The following TENM2 variants were observed in gnomAD, a reference collection of about 807,000 sequenced individuals.
TENM2 encodes teneurin-2.
In TENM2, 52 loss-of-function variants were observed where a neutral mutation model predicts 245.2. That is an observed-to-expected ratio of 0.21 (90% confidence interval 0.17 to 0.27). TENM2 has a LOEUF of 0.27. Among genes scored for constraint, TENM2 ranks in the 10% least tolerant of loss-of-function variants. TENM2 has a pLI of 1.00. For synonymous variants in TENM2, 1,363 were observed against 1,438.9 expected (o/e 0.95, Z 1.19); for missense variants, 3,046 against 3,666.8 (o/e 0.83, Z 4.37).
intron 5 of TENM2, among the ~76,000 whole-genome samples, chr5:168,001,259 A>G (rs1000582890): frequency 6.6e-6 from 1 of 152,344 alleles, no homozygotes; most frequent in Non-Finnish European, 1.5e-5. Flanking sequence ...TTAGGGGGCC[A>G]TGTAAGCACC....
chr5:168,223,174 G>T (rs965363249), intron 23 of TENM2, among the ~76,000 whole-genome samples: 2 of 152,146 alleles, frequency 1.3e-5, no homozygotes, highest in African/African-American at 4.8e-5. Context: ...TGAGATTCTA[G>T]TCCCTACCCT....
chr5:167,674,849 C>G (rs984518692), intron 2 of TENM2, among the ~76,000 whole-genome samples: 36 of 152,132 alleles, frequency 2.4e-4, no homozygotes, highest in African/African-American at 8.2e-4. Context: ...GTCACATTGT[C>G]AGCATTGAAG....
At chr5:167,169,766 G>A in the TENM2 span, among the ~76,000 whole-genome samples, 2 of 152,012 alleles carry the variant, frequency 1.3e-5, no homozygotes, top group African/African-American at 2.4e-5. Flanking sequence ...CCCTCTTTTG[G>A]CCTTCCTCTT....
chr5:168,017,931 G>C (rs1214190439), intron 5 of TENM2, among the ~76,000 whole-genome samples: 1 of 152,024 alleles, frequency 6.6e-6, no homozygotes. Context: ...GCTTTCTTCT[G>C]TTCCGTCCCC....
At chr5:167,012,762 A>T in the TENM2 span, among the ~76,000 whole-genome samples, 2 of 152,162 alleles carry the variant, frequency 1.3e-5, no homozygotes, top group Admixed American at 1.3e-4. Context: ...TCAGAGAATT[A>T]GGGGGACCTT....
chr5:167,833,015 G>A (rs570703537), intron 2 of TENM2, among the ~76,000 whole-genome samples: 20 of 152,080 alleles, frequency 1.3e-4, no homozygotes, highest in African/African-American at 4.6e-4. Context: ...CTAGAAAGAG[G>A]GTTTAGTACA....
intron 5 of TENM2, among the ~76,000 whole-genome samples, chr5:168,040,721 G>T (rs530253181): frequency 6.6e-6 from 1 of 152,224 alleles, no homozygotes; most frequent in African/African-American, 2.4e-5. Flanking sequence ...GGTAATTTTG[G>T]CACTGACAGC....
chr5:167,705,987 A>ATT (rs1561690650), intron 2 of TENM2, among the ~76,000 whole-genome samples: 3 of 91,564 alleles, frequency 3.3e-5, no homozygotes, highest in Non-Finnish European at 6.3e-5. Flanking sequence ...ATATATATAT[A>ATT]TATATTTATT....
chr5:167,199,040 C>T, the TENM2 span, among the ~76,000 whole-genome samples: 2 of 150,214 alleles, frequency 1.3e-5, no homozygotes, highest in African/African-American at 4.9e-5. Context: ...CTGTCAAAAC[C>T]CTTCCATTCC....
the TENM2 span, among the ~76,000 whole-genome samples, chr5:167,069,803 A>G: frequency 6.6e-6 from 1 of 152,236 alleles, no homozygotes; most frequent in African/African-American, 2.4e-5. Flanking sequence ...ATATTCAAAA[A>G]TAAGCTTGAA....
intron 2 of TENM2, among the ~76,000 whole-genome samples, chr5:167,825,154 T>G (rs955581113): frequency 6.6e-6 from 1 of 152,174 alleles, no homozygotes; most frequent in Non-Finnish European, 1.5e-5. Flanking sequence ...GTGTTCTGCT[T>G]CCTTCGTATA....
At chr5:167,764,587 T>C (rs1321845930) in intron 2 of TENM2, among the ~76,000 whole-genome samples, 3 of 152,214 alleles carry the variant, frequency 2.0e-5, no homozygotes, top group South Asian at 4.1e-4. Flanking sequence ...TTGAGTTACA[T>C]GTGGCAAATT....
At chr5:167,988,306 C>G (rs111674824) in intron 4 of TENM2, among the ~76,000 whole-genome samples, 5 of 152,216 alleles carry the variant, frequency 3.3e-5, no homozygotes, top group African/African-American at 1.2e-4. Flanking sequence ...GTTGAGTTCC[C>G]CCACTGTAAG....
chr5:167,154,747 C>T, the TENM2 span, among the ~76,000 whole-genome samples: 2 of 152,062 alleles, frequency 1.3e-5, no homozygotes, highest in African/African-American at 2.4e-5. Flanking sequence ...TCGACTTCTC[C>T]GTTCCCGAAT....
At chr5:167,308,734 T>C (rs566239919) in intron 1 of TENM2, among the ~76,000 whole-genome samples, 1 of 152,316 alleles carries the variant, frequency 6.6e-6, no homozygotes, top group African/African-American at 2.4e-5. Context: ...CATATAAATA[T>C]GCTGTCGGGC....
At chr5:168,176,658 A>G (rs952917347) in intron 13 of TENM2, among the ~76,000 whole-genome samples, 4 of 151,606 alleles carry the variant, frequency 2.6e-5, no homozygotes, top group African/African-American at 9.7e-5. Flanking sequence ...TTTATTGTCT[A>G]TTTTCCCCCT....
chr5:167,096,868 A>G, the TENM2 span, among the ~76,000 whole-genome samples: 1 of 152,212 alleles, frequency 6.6e-6, no homozygotes, highest in African/African-American at 2.4e-5. Context: ...GTCTCATGCA[A>G]CATGTGTAGA....
intron 2 of TENM2, among the ~76,000 whole-genome samples, chr5:167,542,004 G>T (rs1387028983): frequency 2.0e-5 from 3 of 152,034 alleles, no homozygotes; most frequent in Admixed American, 2.0e-4. Flanking sequence ...TTTAGTCAAC[G>T]GTCACTCTGT....
At chr5:167,592,211 C>G (rs746441998) in intron 2 of TENM2, among the ~76,000 whole-genome samples, 63 of 152,198 alleles carry the variant, frequency 4.1e-4, no homozygotes, top group Non-Finnish European at 6.8e-4. Context: ...TCTGGTAACC[C>G]TCTTATGGAA....
Sources: gnomAD v4.1 joint callset for allele counts (sites outside exome capture counted in the v4.1 genomes callset) on GRCh38, gnomAD v4.1.1 for gene constraint, MANE v1.5 for transcripts, NCBI Gene and HGNC (gene_info 2026-07-23, HGNC 2026-07-21) for gene names.